The following ANPEP variants were observed in gnomAD, a reference collection of about 807,000 sequenced individuals.
ANPEP encodes the protein alanyl aminopeptidase, membrane.
A neutral mutation model predicts 114.6 loss-of-function variants in ANPEP; 70 were observed. That is an observed-to-expected ratio of 0.61 (90% CI 0.50 to 0.75). The LOEUF (loss-of-function observed/expected upper bound fraction) is 0.75, where lower values mean the gene tolerates loss of function less well. Among genes scored for constraint, ANPEP ranks in the 30% least tolerant of loss-of-function variants. The pLI is 0.00. For missense variants in ANPEP, 1,184 were observed against 1,259.5 expected (o/e 0.94, Z 0.91); for synonymous variants, 548 against 522.3 (o/e 1.05, Z -0.67).
intron 17 of ANPEP, 26 bp downstream of exon 17, chr15:89,792,426 A>G: frequency 6.2e-7 from 1 of 1,613,458 alleles, no homozygotes; most frequent in Non-Finnish European, 8.5e-7. Flanking sequence ...GAAGACTGGC[A>G]GAGGAGGCGC....
chr15:89,802,530 A>AG (rs1894615863), intron 10 of ANPEP: 1 of 152,462 alleles, frequency 6.6e-6, no homozygotes, highest in Admixed American at 6.6e-5. Context: ...GGAACTCTGG[A>AG]GGGGCTGTCG....
intron 16 of ANPEP, 87 bp from the exon 17 acceptor site, chr15:89,792,649 T>A (rs1968654657): frequency 8.4e-7 from 1 of 1,187,752 alleles, no homozygotes; most frequent in Non-Finnish European, 1.2e-6. Context: ...GCCGGCACCC[T>A]GCCTAAGGCT....
At chr15:89,787,139 G>A (rs542244401) in intron 20 of ANPEP, among the ~76,000 whole-genome samples, 198 of 146,548 alleles carry the variant, frequency 1.4e-3, no homozygotes, top group African/African-American at 4.6e-3. Context: ...TCCGCCTCCC[G>A]GGTTCAAGCA....
chr15:89,788,145 G>A (rs951796003), intron 20 of ANPEP, among the ~76,000 whole-genome samples: 13 of 152,298 alleles, frequency 8.5e-5, no homozygotes, highest in African/African-American at 3.1e-4. Flanking sequence ...GTATACCCAA[G>A]ATAAATTAAA....
In ANPEP at chr15:89,790,084, AT is replaced by A. The variant is rs1555440272; in HGVS notation, c.2751+375del. ...AAAAAAAAAATAAAAAATAAAAAAA[AT>A]AAAAGAATGCGTTTATTTTTCATAT... On this transcript the variant is annotated intron_variant, in intron 20 of 20. Transcript: ENST00000300060. 1.4e-3 allele frequency among the ~76,000 whole-genome samples: 119 copies of A among 85,302 alleles called. 7 individuals carry two copies. Among genetic ancestry groups the A allele is most frequent in the African/African-American group, 2.5e-3 (53 of 20,858 alleles). The allele number at this position is 85,302 out of a possible 152,430, so 56.0% of individuals were successfully genotyped here. A position where few individuals can be genotyped will look rare whatever the true frequency, so the allele number is the denominator to read the frequency against.
chr15:89,814,297 A>T (rs1474590548), intron 1 of ANPEP, among the ~76,000 whole-genome samples: 2 of 152,168 alleles, frequency 1.3e-5, no homozygotes, highest in African/African-American at 4.8e-5. Flanking sequence ...AGCGAGATCT[A>T]AGGTTAAAGA....
At chr15:89,790,276 A>C (rs1225853955) in intron 20 of ANPEP, among the ~76,000 whole-genome samples, 184 bp downstream of exon 20, 1 of 152,156 alleles carries the variant, frequency 6.6e-6, no homozygotes, top group African/African-American at 2.4e-5. Context: ...AAATCCCAAG[A>C]TGAATTTTTT....
intron 1 of ANPEP, among the ~76,000 whole-genome samples, chr15:89,811,205 G>A (rs1050090952): frequency 6.6e-6 from 1 of 152,234 alleles, no homozygotes; most frequent in Non-Finnish European, 1.5e-5. Flanking sequence ...CTTCTGGGCT[G>A]TGCACAAACC....
At chr15:89,788,639 C>T (rs777396919) in intron 20 of ANPEP, among the ~76,000 whole-genome samples, 6 of 152,144 alleles carry the variant, frequency 3.9e-5, no homozygotes, top group Admixed American at 6.5e-5. Flanking sequence ...CTTGCTCTGT[C>T]ACCCAGGCTG....
At chr15:89,814,082 A>C (rs1894864886) in intron 1 of ANPEP, among the ~76,000 whole-genome samples, 1 of 151,182 alleles carries the variant, frequency 6.6e-6, no homozygotes. Flanking sequence ...AGTGGATTGC[A>C]ATGGGGCCCT....
Position 89,803,573 on chromosome 15 carries a change from C to A in ANPEP, c.1438-66G>T. Reference sequence around the variant, plus strand: ...GCCACCAGGACCCTGTGCCCCCAGACCCTGCCTTCAGTGAGGCCCCTCCAG... The same window carrying A: ...GCCACCAGGACCCTGTGCCCCCAGAACCTGCCTTCAGTGAGGCCCCTCCAG... On this transcript the variant is annotated intron_variant, in intron 8 of 20. Coordinates refer to ENST00000300060, the MANE Select transcript of ANPEP (RefSeq NM_001150.3). The surrounding 1 kb of genome is among the most constrained non-coding windows in gnomAD (Gnocchi z 4.2). 1 of 1,601,522 alleles carries A rather than the reference C, an allele frequency of 6.2e-7. No individual in the cohort carries two copies. Among genetic ancestry groups the A allele is most frequent in the South Asian group, 1.1e-5 (1 of 90,780 alleles).
In ANPEP at chr15:89,801,393, C is replaced by T. The variant is rs1894586520; in HGVS notation, c.1742+42G>A. 3.1e-6 allele frequency: 5 copies of T among 1,607,384 alleles called. No homozygotes were observed. The Admixed American group carries it at 6.7e-5, about 22-fold the overall frequency. On this transcript the variant is annotated intron_variant, in intron 11 of 20. Transcript: ENST00000300060. Reference sequence around the variant, plus strand: ...ATGGTCCCTTAGTAACTGCCCTCTACCCCACCCACCTGACCATGCCTCAGT... The same window carrying T: ...ATGGTCCCTTAGTAACTGCCCTCTATCCCACCCACCTGACCATGCCTCAGT...
At chr15:89,808,889 G>A (rs560382875) in intron 1 of ANPEP, among the ~76,000 whole-genome samples, 25 of 152,350 alleles carry the variant, frequency 1.6e-4, no homozygotes, top group South Asian at 1.2e-3. Context: ...GCCGCCTCTC[G>A]TCTGGTGTAT....
chr15:89,799,661 A>T lies in ANPEP; in HGVS notation c.1820-102T>A. On this transcript the variant is annotated intron_variant, in intron 12 of 20. Coordinates refer to ENST00000300060, the MANE Select transcript of ANPEP (RefSeq NM_001150.3). This position sits in a 1 kb window ranked among gnomAD's most constrained non-coding sequence, Gnocchi z 4.2. ...TGCCCCCGCAGCCTGGCACCACCTC[A>T]CCCTCAAGCTGCTGGGGAGACGCTA... 1 of 1,532,658 alleles carries T rather than the reference A, an allele frequency of 6.5e-7. No homozygotes were observed. The highest frequency in any genetic ancestry group is 8.9e-7 in the Non-Finnish European group (1 of 1,123,312). The allele number at this position is 1,532,658 out of a possible 1,614,324, so 94.9% of individuals were successfully genotyped here. A position where few individuals can be genotyped will look rare whatever the true frequency, so the allele number is the denominator to read the frequency against.
In ANPEP at chr15:89,801,519, G is replaced by A. The variant is rs371639363; in HGVS notation, c.1658C>T (p.Thr553Met). ...WTLQMGFPVITVDTSTGTLSQ... is the reference protein window; with the variant it reads ...WTLQMGFPVIMVDTSTGTLSQ... ...AAGGGTCCCCGTGCTGGTATCCACCGTGATGACCGGGAAGCCCATCTGCAG... is the reference window on the plus strand; with the variant it reads ...AAGGGTCCCCGTGCTGGTATCCACCATGATGACCGGGAAGCCCATCTGCAG... The change falls in exon 11 of 21, where the codon ACG becomes ATG. Residue 553 changes from threonine (T) to methionine (M), a missense_variant. Physicochemically the swap from Thr to Met is moderately conservative, Grantham distance 81. Coordinates refer to ENST00000300060, the MANE Select transcript of ANPEP (RefSeq NM_001150.3). The A allele has an allele frequency of 6.8e-6, 11 of 1,614,222 alleles. No individual in the cohort carries two copies. The Admixed American group carries it at 1.3e-4, about 20-fold the overall frequency.
chr15:89,808,840 G>A (rs1225919291), intron 1 of ANPEP, among the ~76,000 whole-genome samples: 3 of 152,222 alleles, frequency 2.0e-5, no homozygotes, highest in African/African-American at 4.8e-5. Context: ...AGGGACACGT[G>A]GATTAGTTCA....
At chr15:89,788,609 T>G (rs979178455) in intron 20 of ANPEP, among the ~76,000 whole-genome samples, 1 of 152,060 alleles carries the variant, frequency 6.6e-6, no homozygotes, top group African/African-American at 2.4e-5. Context: ...TGGTTTGGTT[T>G]TGGTTTTTTG....
chr15:89,790,743 G>A (rs1042887103), intron 19 of ANPEP, among the ~76,000 whole-genome samples: 1 of 152,032 alleles, frequency 6.6e-6, no homozygotes, highest in African/African-American at 2.4e-5. Context: ...TGGAGAATAC[G>A]CCCACACGCC....
chr15:89,804,175 G>A (rs1894657772), intron 6 of ANPEP, 78 bp downstream of exon 6: 15 of 1,592,854 alleles, frequency 9.4e-6, no homozygotes, highest in South Asian at 2.3e-5. Context: ...TCAGCAGCCC[G>A]GGGCAGAGCC....
Sources: gnomAD v4.1 joint callset for allele counts (sites outside exome capture counted in the v4.1 genomes callset) on GRCh38, gnomAD v4.1.1 for gene constraint, Gnocchi (gnomAD v3.1) non-coding constraint, MANE v1.5 for transcripts, NCBI Gene and HGNC (gene_info 2026-07-23, HGNC 2026-07-21) for gene names.